Variants in COL24A1 observed in about 807,000 individuals in gnomAD.
COL24A1 encodes the protein collagen type XXIV alpha 1 chain.
Under a neutral mutation model 253.9 loss-of-function variants are expected in COL24A1, and 224 were observed. The observed-to-expected ratio is 0.88, with a 90% CI of 0.79 to 0.99. The LOEUF (loss-of-function observed/expected upper bound fraction) is 0.99. COL24A1 is among the 50% of genes least tolerant of loss of function. COL24A1 has a pLI of 0.00. For synonymous variants in COL24A1, 685 were observed against 673.7 expected, an observed-to-expected ratio of 1.02 and a Z score of -0.26; for missense variants, 2,131 against 2,068.5, an observed-to-expected ratio of 1.03 and a Z score of -0.59.
chr1:85,829,802 G>T (rs1313442785), intron 43 of COL24A1, among the ~76,000 whole-genome samples: 2 of 151,706 alleles, frequency 1.3e-5, no homozygotes, highest in Admixed American at 6.6e-5. Context: ...CTCTGTATTG[G>T]TTATTCTAGT....
chr1:85,836,675 G>A (rs1190715920), intron 43 of COL24A1, among the ~76,000 whole-genome samples: 2 of 152,160 alleles, frequency 1.3e-5, no homozygotes, highest in Non-Finnish European at 2.9e-5. Flanking sequence ...ATGGCTAACT[G>A]TTTAGCATAG....
intron 51 of COL24A1, 91 bp from the exon 52 acceptor site, chr1:85,781,364 A>T: frequency 1.2e-6 from 1 of 820,458 alleles, no homozygotes; most frequent in Non-Finnish European, 1.9e-6. Flanking sequence ...TAAAAGAGCC[A>T]TGTCTACATA....
At chr1:85,987,679 T>C (rs1693846662) in intron 19 of COL24A1, 25 bp from the exon 20 acceptor site, 2 of 1,587,802 alleles carry the variant, frequency 1.3e-6, no homozygotes, top group African/African-American at 2.7e-5. Flanking sequence ...AATGTAGCGT[T>C]TATTCCATAG....
intron 11 of COL24A1, among the ~76,000 whole-genome samples, chr1:86,048,415 TA>T (rs1700065581): frequency 6.6e-6 from 1 of 152,164 alleles, no homozygotes; most frequent in African/African-American, 2.4e-5. Context: ...CATAGCCAAA[TA>T]ATATTAGGAC....
intron 7 of COL24A1, among the ~76,000 whole-genome samples, chr1:86,084,654 A>G (rs1702922068): frequency 6.6e-6 from 1 of 152,248 alleles, no homozygotes; most frequent in Admixed American, 6.5e-5. Context: ...AGACTTCTGG[A>G]AACTGAAATA....
rs532619854 is a variant in COL24A1, at chr1:85,952,560, G to A, written c.2562+8689C>T. Among the ~76,000 whole-genome samples, 3 of 152,338 alleles carry A rather than the reference G, an allele frequency of 2.0e-5. No homozygotes were observed. The East Asian group carries it at 5.8e-4, about 29-fold the overall frequency. On this transcript the variant is annotated intron_variant, in intron 24 of 59. Transcript: ENST00000370571. ...GACAAATTAGGCAGAATCACATATG[G>A]TAGATTCATTTAACAAAATCTTGTA...
At chr1:86,043,489 T>TA (rs1486736045) in intron 12 of COL24A1, among the ~76,000 whole-genome samples, 2 of 152,162 alleles carry the variant, frequency 1.3e-5, no homozygotes, top group African/African-American at 4.8e-5. Context: ...ACAGCAGCAC[T>TA]ACAATGAAAC....
At chr1:85,836,382 G>T (rs1676008914) in intron 43 of COL24A1, among the ~76,000 whole-genome samples, 1 of 152,148 alleles carries the variant, frequency 6.6e-6, no homozygotes, top group Non-Finnish European at 1.5e-5. Context: ...GGTTAAAATG[G>T]TAAATTTTAT....
At chr1:85,894,849 C>A (rs1056191948) in intron 31 of COL24A1, among the ~76,000 whole-genome samples, 2 of 152,020 alleles carry the variant, frequency 1.3e-5, no homozygotes, top group African/African-American at 4.8e-5. Context: ...TGGGAAACAG[C>A]GGGCAGGGGG....
intron 32 of COL24A1, among the ~76,000 whole-genome samples, chr1:85,886,557 C>T (rs536654837): frequency 2.0e-5 from 3 of 151,754 alleles, no homozygotes; most frequent in Non-Finnish European, 2.9e-5. Flanking sequence ...CCCAGCTACT[C>T]GGGAGGCTGA....
At chr1:85,874,563 A>T (rs1680911103) in intron 35 of COL24A1, 86 bp downstream of exon 35, 4 of 1,229,506 alleles carry the variant, frequency 3.3e-6, no homozygotes, top group Non-Finnish European at 3.4e-6. Context: ...TTTATTATCC[A>T]ATTTTTTGAG....
Position 85,960,989 on chromosome 1 carries a change from A to C in COL24A1, c.2562+260T>G, listed in dbSNP as rs1375732779. 42 of 285,666 alleles carry C rather than the reference A, an allele frequency of 1.5e-4. No individual in the cohort carries two copies. The East Asian group carries it at 2.8e-3, about 19-fold the overall frequency. 17.7% of individuals were successfully genotyped at this position (285,666 alleles called of 1,614,324 possible). A position where few individuals can be genotyped will look rare whatever the true frequency, so the allele number is the denominator to read the frequency against. On this transcript the variant is annotated intron_variant, in intron 24 of 59. Transcript: ENST00000370571. ...GCTATCAGAATAAAATTAAAAACCA[A>C]ATATTAGAAACAATGTTTCTGAGGT...
intron 47 of COL24A1, among the ~76,000 whole-genome samples, chr1:85,802,768 C>G (rs145254181): frequency 6.6e-6 from 1 of 152,098 alleles, no homozygotes; most frequent in African/African-American, 2.4e-5. Context: ...CCTGAAAACC[C>G]GATTAGCTTT....
chr1:86,077,077 T>G (rs1452791022), intron 7 of COL24A1, among the ~76,000 whole-genome samples: 1 of 152,120 alleles, frequency 6.6e-6, no homozygotes, highest in African/African-American at 2.4e-5. Flanking sequence ...AGGAGAAAAT[T>G]TTTGCAATCT....
intron 28 of COL24A1, among the ~76,000 whole-genome samples, chr1:85,900,252 A>C (rs1411782350): frequency 6.6e-6 from 1 of 152,206 alleles, no homozygotes; most frequent in African/African-American, 2.4e-5. Flanking sequence ...AAAAAATCCT[A>C]AGATTCATAT....
intron 43 of COL24A1, among the ~76,000 whole-genome samples, chr1:85,829,452 G>C (rs1467058244): frequency 6.6e-6 from 1 of 151,450 alleles, no homozygotes; most frequent in Non-Finnish European, 1.5e-5. Context: ...TGTATTTCCT[G>C]AATCTGAATG....
chr1:86,009,402 T>C (rs555215742), intron 19 of COL24A1, among the ~76,000 whole-genome samples: 10 of 152,294 alleles, frequency 6.6e-5, no homozygotes, highest in Admixed American at 2.6e-4. Flanking sequence ...GTGAACATCA[T>C]AGAGTATACT....
At chr1:85,990,567 T>G (rs770046297) in intron 19 of COL24A1, among the ~76,000 whole-genome samples, 1 of 152,222 alleles carries the variant, frequency 6.6e-6, no homozygotes. Context: ...GCCCAGTTCC[T>G]AACAGGTCAC....
chr1:85,785,478 A>G (rs914669021), intron 48 of COL24A1, among the ~76,000 whole-genome samples: 2 of 152,212 alleles, frequency 1.3e-5, no homozygotes, highest in Non-Finnish European at 2.9e-5. Context: ...AAGCTATACA[A>G]TTTTGGGGTT....
Sources: gnomAD v4.1 joint callset for allele counts (sites outside exome capture counted in the v4.1 genomes callset) on GRCh38, gnomAD v4.1.1 for gene constraint, MANE v1.5 for transcripts, NCBI Gene and HGNC (gene_info 2026-07-23, HGNC 2026-07-21) for gene names.